The following TMEM135 variants were observed in gnomAD, a reference collection of about 807,000 sequenced individuals.
The protein encoded by TMEM135 is transmembrane protein 135.
A neutral mutation model predicts 60.3 loss-of-function variants in TMEM135; 30 were observed. That is an observed-to-expected ratio of 0.50 (90% confidence interval 0.37 to 0.68). The LOEUF is 0.68. Ranked by LOEUF, TMEM135 falls within the 30% of genes least tolerant of loss-of-function variation. The pLI, the probability that TMEM135 is intolerant of heterozygous loss-of-function variation, is 0.00. For missense variants in TMEM135, 468 were observed against 548.8 expected, an observed-to-expected ratio of 0.85 and a Z score of 1.47; for synonymous variants, 190 against 186.7, an observed-to-expected ratio of 1.02 and a Z score of -0.14.
intron 6 of TMEM135, among the ~76,000 whole-genome samples, chr11:87,291,084 A>G (rs1287387187): frequency 1.3e-5 from 2 of 152,188 alleles, no homozygotes; most frequent in South Asian, 2.1e-4. Context: ...TATTTCCTGT[A>G]TGATTGTATC....
intron 6 of TMEM135, chr11:87,258,825 C>T (rs1227522225): frequency 3.0e-6 from 2 of 662,610 alleles, no homozygotes; most frequent in Non-Finnish European, 2.7e-6. Context: ...CCCACGGAGA[C>T]AGCTCATATA....
intron 10 of TMEM135, 140 bp from the exon 11 acceptor site, chr11:87,313,285 G>T (rs1159305722): frequency 7.7e-6 from 5 of 651,924 alleles, no homozygotes; most frequent in South Asian, 3.7e-5. Context: ...TTCCAATCAT[G>T]TATGCAGTTT....
chr11:87,210,638 G>A (rs1940346029), intron 5 of TMEM135, among the ~76,000 whole-genome samples: 1 of 152,070 alleles, frequency 6.6e-6, no homozygotes. Context: ...AAATCAAGGA[G>A]GGGGGACTCC....
intron 5 of TMEM135, among the ~76,000 whole-genome samples, chr11:87,164,003 A>G (rs1280316313): frequency 2.2e-4 from 32 of 146,644 alleles, no homozygotes; most frequent in African/African-American, 5.8e-4. Flanking sequence ...GTTCACTCTG[A>G]TGGTAGTTTC....
intron 3 of TMEM135, among the ~76,000 whole-genome samples, chr11:87,084,057 G>A (rs1373672405): frequency 6.6e-6 from 1 of 152,114 alleles, no homozygotes; most frequent in African/African-American, 2.4e-5. Context: ...CTTGTGAAGT[G>A]TGATATGTAG....
Position 87,327,769 on chromosome 11 carries a change from G to A in TMEM135, c.*6436G>A, listed in dbSNP as rs1443543968. On this transcript the variant is annotated 3_prime_UTR_variant, in exon 15 of 15. Transcript: ENST00000305494. ...TTCAAGTCTGAGAACCTGGGGGTGGGATGGGGGAGTGATAGTTTTAAGTCC... is the reference window on the plus strand; with the variant it reads ...TTCAAGTCTGAGAACCTGGGGGTGGAATGGGGGAGTGATAGTTTTAAGTCC... 5 of 454,060 alleles carry A rather than the reference G, an allele frequency of 1.1e-5. No homozygotes were observed. The highest frequency in any genetic ancestry group is 1.8e-5 in the Non-Finnish European group (4 of 226,794). The allele number at this position is 454,060 out of a possible 1,614,324, so 28.1% of individuals were successfully genotyped here. A position where few individuals can be genotyped will look rare whatever the true frequency, so the allele number is the denominator to read the frequency against.
chr11:87,114,473 G>A (rs1211326923), intron 4 of TMEM135, among the ~76,000 whole-genome samples: 3 of 152,114 alleles, frequency 2.0e-5, no homozygotes, highest in Non-Finnish European at 4.4e-5. Context: ...ATAGGAAGGT[G>A]ATAGTCCAAA....
intron 4 of TMEM135, among the ~76,000 whole-genome samples, chr11:87,143,721 T>C (rs1938328830): frequency 6.6e-6 from 1 of 152,194 alleles, no homozygotes; most frequent in Non-Finnish European, 1.5e-5. Flanking sequence ...GTAGAATTTA[T>C]ATTCAGAATT....
intron 5 of TMEM135, among the ~76,000 whole-genome samples, chr11:87,169,308 G>A: frequency 6.7e-6 from 1 of 149,484 alleles, no homozygotes; most frequent in Non-Finnish European, 1.5e-5. Context: ...TACATTTAAG[G>A]TTAATATTGT....
At chr11:87,225,121 A>G (rs886398293) in intron 5 of TMEM135, among the ~76,000 whole-genome samples, 4 of 152,172 alleles carry the variant, frequency 2.6e-5, no homozygotes, top group African/African-American at 4.8e-5. Flanking sequence ...AAATAGTATG[A>G]AAATTTCATA....
intron 5 of TMEM135, among the ~76,000 whole-genome samples, chr11:87,233,100 G>A (rs540943643): frequency 3.3e-5 from 5 of 152,156 alleles, no homozygotes; most frequent in South Asian, 2.1e-4. Context: ...GCAGTGAGCC[G>A]AGATTGCACC....
intron 5 of TMEM135, among the ~76,000 whole-genome samples, chr11:87,193,317 A>G (rs766820119): frequency 1.3e-5 from 2 of 152,304 alleles, no homozygotes; most frequent in Non-Finnish European, 2.9e-5. Context: ...TGAAAATTAT[A>G]AGACAAATTT....
chr11:87,073,444 T>A (rs1856809907), intron 3 of TMEM135, among the ~76,000 whole-genome samples: 1 of 152,196 alleles, frequency 6.6e-6, no homozygotes, highest in Non-Finnish European at 1.5e-5. Context: ...ATTATTAGAA[T>A]GACTAAAATC....
At chr11:87,263,281 A>G (rs575092768) in intron 6 of TMEM135, among the ~76,000 whole-genome samples, 5 of 152,350 alleles carry the variant, frequency 3.3e-5, no homozygotes, top group African/African-American at 9.6e-5. Flanking sequence ...ATTGGATACA[A>G]GAACTGTTAC....
At chr11:87,300,869 A>T (rs923834189) in intron 7 of TMEM135, among the ~76,000 whole-genome samples, 13 of 152,196 alleles carry the variant, frequency 8.5e-5, no homozygotes, top group African/African-American at 2.9e-4. Context: ...CTGGCCTGGG[A>T]CAGGGCCAGC....
At chr11:87,235,574 T>G (rs1285767208) in intron 5 of TMEM135, among the ~76,000 whole-genome samples, 5 of 151,996 alleles carry the variant, frequency 3.3e-5, no homozygotes, top group Admixed American at 2.6e-4. Context: ...AAACATTTTT[T>G]GCAGTGTTTT....
At chr11:87,057,171 G>A (rs1949901852) in intron 1 of TMEM135, among the ~76,000 whole-genome samples, 1 of 152,042 alleles carries the variant, frequency 6.6e-6, no homozygotes, top group Non-Finnish European at 1.5e-5. Flanking sequence ...TTTCAGTATT[G>A]TAACTTAAGT....
chr11:87,228,207 TA>T (rs1940808045), intron 5 of TMEM135, among the ~76,000 whole-genome samples: 1 of 152,120 alleles, frequency 6.6e-6, no homozygotes, highest in Non-Finnish European at 1.5e-5. Context: ...AATCAAGTAT[TA>T]GGTAGTTATT....
At chr11:87,261,222 C>T (rs1305330530) in intron 6 of TMEM135, among the ~76,000 whole-genome samples, 1 of 152,078 alleles carries the variant, frequency 6.6e-6, no homozygotes, top group Non-Finnish European at 1.5e-5. Context: ...AGGTCTCTTT[C>T]CCCTCCCTCT....
Sources: gnomAD v4.1 joint callset for allele counts (sites outside exome capture counted in the v4.1 genomes callset) on GRCh38, gnomAD v4.1.1 for gene constraint, MANE v1.5 for transcripts, NCBI Gene and HGNC (gene_info 2026-07-23, HGNC 2026-07-21) for gene names.